Variants in ABLIM1 observed in about 807,000 individuals in gnomAD.
ABLIM1 encodes the protein actin-binding LIM protein 1.
ABLIM1 carries 40 observed loss-of-function variants against 107.0 expected under a neutral mutation model. That is an observed-to-expected ratio of 0.37 (90% CI 0.29 to 0.49). The LOEUF (loss-of-function observed/expected upper bound fraction) is 0.49, where lower values mean the gene tolerates loss of function less well. Ranked by LOEUF, ABLIM1 falls within the 20% of genes least tolerant of loss-of-function variation. The probability of loss-of-function intolerance (pLI) is 0.97; values close to 1 mark genes in which losing one functional copy is unlikely to be tolerated. For synonymous variants in ABLIM1, 357 were observed against 357.3 expected, an observed-to-expected ratio of 1.00 and a Z score of 0.01; for missense variants, 857 against 1,008.5, an observed-to-expected ratio of 0.85 and a Z score of 2.04.
chr10:114,546,445 C>G (rs774365728), intron 5 of ABLIM1, among the ~76,000 whole-genome samples: 2 of 152,074 alleles, frequency 1.3e-5, no homozygotes, highest in Non-Finnish European at 2.9e-5. Flanking sequence ...AGGTGCCCAC[C>G]ACCATGCCCG....
rs2059297269 is a variant in ABLIM1 at position 114,435,627 on chromosome 10, G to C, written c.*633C>G. On this transcript the variant is annotated 3_prime_UTR_variant, in exon 23 of 23. Coordinates refer to ENST00000533213, the MANE Select transcript of ABLIM1 (RefSeq NM_002313.7). ...TAATAGCTAAGTCATTTGCCAGCCAGGTCCCGGTGAACAGTAGAGAACAAG... is the reference window on the plus strand; with the variant it reads ...TAATAGCTAAGTCATTTGCCAGCCACGTCCCGGTGAACAGTAGAGAACAAG... 6.6e-6 allele frequency: 1 copy of C among 152,180 alleles called. No homozygotes were observed. The highest frequency in any genetic ancestry group is 1.5e-5 in the Non-Finnish European group (1 of 68,056). 9.4% of individuals were successfully genotyped at this position (152,180 alleles called of 1,614,324 possible).
intron 6 of ABLIM1, among the ~76,000 whole-genome samples, chr10:114,504,963 T>C (rs1159348404): frequency 6.6e-6 from 1 of 152,106 alleles, no homozygotes; most frequent in Non-Finnish European, 1.5e-5. Context: ...ATGAAGTAGG[T>C]TGCAAAACAC....
chr10:114,561,333 A>T (rs1331999306), intron 4 of ABLIM1, among the ~76,000 whole-genome samples: 4 of 152,310 alleles, frequency 2.6e-5, no homozygotes, highest in Non-Finnish European at 5.9e-5. Context: ...TCATCACGTG[A>T]CCTGTCACTT....
At position 114,473,064 on chromosome 10, in the gene ABLIM1, A is replaced by G. The variant is rs1407049988; in HGVS notation, c.1188T>C (p.Tyr396=). The G allele has an allele frequency of 6.2e-7, 1 of 1,613,776 alleles. No individual in the cohort carries two copies. Among genetic ancestry groups the G allele is most frequent in the Admixed American group, 1.7e-5 (1 of 59,976 alleles). The change falls in exon 10 of 23, where the codon TAT becomes TAC. Residue 396 remains tyrosine (Y), a synonymous_variant. Transcript: ENST00000533213. ...LAAIPKVKAI[Y]DIERPDLITY... is the part of the protein sequence containing the mutation. ...TAATAAGATCTGGACGTTCAATGTC[A>G]TAAATTGCCTTGACCTTCGGAATGG...
chr10:114,566,547 A>G (rs1388905231), intron 4 of ABLIM1, among the ~76,000 whole-genome samples: 2 of 152,200 alleles, frequency 1.3e-5, no homozygotes, highest in Admixed American at 6.5e-5. Flanking sequence ...TCTGGGCATA[A>G]TATTTTTTTA....
At chr10:114,491,010 G>GTATATATATATA (rs1484101683) in intron 7 of ABLIM1, among the ~76,000 whole-genome samples, 22 of 89,184 alleles carry the variant, frequency 2.5e-4, no homozygotes, top group African/African-American at 1.0e-3. Flanking sequence ...GTGTGTGTGT[G>GTATATATATATA]TGTATATATA....
chr10:114,737,801 T>G (rs1000129536), intron 1 of ABLIM1, among the ~76,000 whole-genome samples: 1 of 152,124 alleles, frequency 6.6e-6, no homozygotes, highest in East Asian at 1.9e-4. Context: ...ATAGGAATGA[T>G]TTCTCTCTTG....
chr10:114,626,300 A>C (rs2077793830), intron 1 of ABLIM1, among the ~76,000 whole-genome samples: 1 of 152,206 alleles, frequency 6.6e-6, no homozygotes, highest in South Asian at 2.1e-4. Context: ...CTTGAGGCAG[A>C]AAGGTGTGGT....
chr10:114,457,622 C>A (rs1355899036), intron 12 of ABLIM1, among the ~76,000 whole-genome samples: 1 of 152,160 alleles, frequency 6.6e-6, no homozygotes, highest in Admixed American at 6.5e-5. Flanking sequence ...CAGGAAATAA[C>A]TTATGGGGGC....
At chr10:114,564,883 A>G (rs991605920) in intron 4 of ABLIM1, among the ~76,000 whole-genome samples, 4 of 152,076 alleles carry the variant, frequency 2.6e-5, no homozygotes, top group African/African-American at 4.8e-5. Context: ...TAATTTCACA[A>G]CTTCCTTAAA....
chr10:114,781,161 C>A, the ABLIM1 span, among the ~76,000 whole-genome samples: 185 of 152,220 alleles, frequency 1.2e-3, no homozygotes, highest in African/African-American at 4.0e-3. Flanking sequence ...TGTGTGTACT[C>A]TTCTTAGTAT....
Position 114,444,151 on chromosome 10 carries a change from G to GC in ABLIM1, c.1828-18_1828-17insG. On this transcript the variant is annotated splice_polypyrimidine_tract_variant and intron_variant, in intron 16 of 22. Transcript: ENST00000533213. Reference sequence around the variant, plus strand: ...TGAGTTAAGCTATTCACAGAAAAAAGGAAAAAAAAAAAAAAAAGAAAGCAA... The same window carrying GC: ...TGAGTTAAGCTATTCACAGAAAAAAGCGAAAAAAAAAAAAAAAAGAAAGCAA... 5 of 1,239,176 alleles carry GC rather than the reference G, an allele frequency of 4.0e-6. No individual in the cohort carries two copies. Among genetic ancestry groups the GC allele is most frequent in the Non-Finnish European group, 5.3e-6 (5 of 948,774 alleles). The allele number at this position is 1,239,176 out of a possible 1,614,324, so 76.8% of individuals were successfully genotyped here.
intron 1 of ABLIM1, among the ~76,000 whole-genome samples, chr10:114,665,996 G>A (rs1168123107): frequency 2.6e-5 from 4 of 152,226 alleles, no homozygotes; most frequent in African/African-American, 9.6e-5. Context: ...GCTACAGAGA[G>A]ACAATACCTT....
chr10:114,678,769 C>A (rs1234188534), intron 1 of ABLIM1, among the ~76,000 whole-genome samples: 1 of 152,136 alleles, frequency 6.6e-6, no homozygotes, highest in South Asian at 2.1e-4. Context: ...TGTACCATTT[C>A]CTTGAGTTTG....
At chr10:114,793,760 A>G in the ABLIM1 span, among the ~76,000 whole-genome samples, 1 of 152,128 alleles carries the variant, frequency 6.6e-6, no homozygotes, top group East Asian at 1.9e-4. Context: ...GGCCTTGCCA[A>G]ACTTTCACAG....
intron 1 of ABLIM1, among the ~76,000 whole-genome samples, chr10:114,739,976 TATTTTC>T (rs1302188117): frequency 3.3e-5 from 5 of 152,172 alleles, no homozygotes; most frequent in Non-Finnish European, 5.9e-5. Flanking sequence ...ATGGATTCCC[TATTTTC>T]AGCAAGAACA....
chr10:114,652,165 A>G (rs1010750884), intron 1 of ABLIM1, among the ~76,000 whole-genome samples: 1 of 152,168 alleles, frequency 6.6e-6, no homozygotes, highest in African/African-American at 2.4e-5. Flanking sequence ...CAGACTCTCA[A>G]TGTTACCAGG....
intron 14 of ABLIM1, 63 bp from the exon 15 acceptor site, chr10:114,448,083 C>G: frequency 6.3e-7 from 1 of 1,599,694 alleles, no homozygotes; most frequent in Non-Finnish European, 8.5e-7. Context: ...GGCGGTACAA[C>G]CCCACTTACA....
chr10:114,477,199 A>G (rs974372719), intron 8 of ABLIM1, among the ~76,000 whole-genome samples: 6 of 152,316 alleles, frequency 3.9e-5, no homozygotes, highest in African/African-American at 1.4e-4. Flanking sequence ...TCCTATCAAC[A>G]TAACTATGGG....
Sources: allele counts gnomAD v4.1 joint callset (sites outside exome capture counted in the v4.1 genomes callset), GRCh38; gene constraint gnomAD v4.1.1; transcripts MANE v1.5; gene names NCBI Gene and HGNC (gene_info 2026-07-23, HGNC 2026-07-21).